Variants in EPHA6 observed in about 807,000 individuals in gnomAD.
The protein encoded by EPHA6 is ephrin type-A receptor 6.
In EPHA6, 50 loss-of-function variants were observed where a neutral mutation model predicts 112.0. The observed-to-expected ratio is 0.45, with a 90% CI of 0.36 to 0.56. The LOEUF (loss-of-function observed/expected upper bound fraction) is 0.56, where lower values mean the gene tolerates loss of function less well. Ranked by LOEUF, EPHA6 falls within the 20% of genes least tolerant of loss-of-function variation. EPHA6 has a pLI of 0.00. For missense variants in EPHA6, 1,280 were observed against 1,417.4 expected (o/e 0.90, Z 1.56); for synonymous variants, 529 against 490.7 (o/e 1.08, Z -1.03).
intron 5 of EPHA6, among the ~76,000 whole-genome samples, chr3:97,299,414 C>A (rs1163489539): frequency 1.3e-5 from 2 of 152,118 alleles, no homozygotes; most frequent in Non-Finnish European, 2.9e-5. Flanking sequence ...GATTAAAGAG[C>A]ATCGCTTTGC....
At chr3:97,536,233 A>G (rs917252239) in intron 11 of EPHA6, among the ~76,000 whole-genome samples, 2 of 152,148 alleles carry the variant, frequency 1.3e-5, no homozygotes, top group East Asian at 3.9e-4. Context: ...CCAACAGAGA[A>G]AGAGCTACGG....
intron 5 of EPHA6, among the ~76,000 whole-genome samples, chr3:97,325,099 G>A (rs914952214): frequency 2.0e-5 from 3 of 151,960 alleles, no homozygotes; most frequent in Admixed American, 6.6e-5. Flanking sequence ...CTCAAGCAGA[G>A]ATCTCACTTA....
At chr3:97,547,777 TC>T (rs752571629) in intron 11 of EPHA6, among the ~76,000 whole-genome samples, 1 of 152,216 alleles carries the variant, frequency 6.6e-6, no homozygotes, top group East Asian at 1.9e-4. Flanking sequence ...GTGGCGCCCC[TC>T]CCCCAGCCTC....
At chr3:97,261,361 C>T (rs2079496995) in intron 5 of EPHA6, among the ~76,000 whole-genome samples, 1 of 152,128 alleles carries the variant, frequency 6.6e-6, no homozygotes, top group African/African-American at 2.4e-5. Flanking sequence ...CATATCTCTA[C>T]CACTGTTGAG....
At position 97,758,866 on chromosome 3, in the gene EPHA6, A is replaced by G. The variant is rs1261785605; in HGVS notation, c.*10165A>G. ...AATTTGGAGTGTTGGAGAGTAGAGA[A>G]CAGTGTTCTTGGTACACTGAAATGA... On this transcript the variant is annotated 3_prime_UTR_variant, in exon 18 of 18. Transcript: ENST00000389672. 6.6e-6 allele frequency among the ~76,000 whole-genome samples: 1 copy of G among 151,934 alleles called. No homozygotes were observed. Among genetic ancestry groups the G allele is most frequent in the Admixed American group, 6.6e-5 (1 of 15,250 alleles).
chr3:97,106,897 CTT>C (rs2047586906), intron 3 of EPHA6, among the ~76,000 whole-genome samples: 2 of 152,098 alleles, frequency 1.3e-5, no homozygotes, highest in African/African-American at 4.8e-5. Flanking sequence ...ATTTCAATAA[CTT>C]ATCAAGTGTA....
intron 3 of EPHA6, among the ~76,000 whole-genome samples, chr3:97,132,307 G>A (rs558569194): frequency 5.9e-5 from 9 of 152,134 alleles, no homozygotes; most frequent in South Asian, 4.1e-4. Context: ...CAAGAGAGGC[G>A]CTCAGGGTTG....
chr3:97,417,786 T>A (rs1280782628), intron 6 of EPHA6, among the ~76,000 whole-genome samples: 1 of 152,186 alleles, frequency 6.6e-6, no homozygotes, highest in Non-Finnish European at 1.5e-5. Context: ...GCTAAGGTAC[T>A]GAAGGAAAAC....
chr3:97,641,591 T>C (rs2107574123), intron 14 of EPHA6, among the ~76,000 whole-genome samples: 1 of 152,332 alleles, frequency 6.6e-6, no homozygotes, highest in Non-Finnish European at 1.5e-5. Context: ...CAGCGCACCA[T>C]GCGCGAGCCG....
intron 10 of EPHA6, among the ~76,000 whole-genome samples, chr3:97,526,755 G>T (rs374915355): frequency 6.6e-6 from 1 of 152,168 alleles, no homozygotes; most frequent in African/African-American, 2.4e-5. Context: ...TAGTCACCCT[G>T]TGCCATTGGG....
At chr3:96,896,055 A>G (rs961309606) in intron 2 of EPHA6, among the ~76,000 whole-genome samples, 13 of 152,214 alleles carry the variant, frequency 8.5e-5, no homozygotes, top group African/African-American at 2.4e-4. Context: ...GAAATCACCT[A>G]TCAATGCATT....
Position 96,882,730 on chromosome 3 carries a change from CTGTG to C in EPHA6, c.450+15877_450+15880del, listed in dbSNP as rs1207060710. 6.9e-3 allele frequency among the ~76,000 whole-genome samples: 886 copies of C among 129,250 alleles called. 4 individuals are homozygous for C. Among genetic ancestry groups the C allele is most frequent in the Admixed American group, 7.8e-3 (91 of 11,714 alleles). The allele number at this position is 129,250 out of a possible 152,430, so 84.8% of individuals were successfully genotyped here. On this transcript the variant is annotated intron_variant, in intron 2 of 17. Transcript: ENST00000389672. The stretch of plus-strand genomic sequence containing the variant: ...GGATTCGTAGTATTCCATTGTGTGT[CTGTG>C]TGTGTGTGTGTGTGTGTGTGTGTGT...
At chr3:97,436,650 A>G (rs954448532) in intron 6 of EPHA6, among the ~76,000 whole-genome samples, 2 of 152,180 alleles carry the variant, frequency 1.3e-5, no homozygotes, top group South Asian at 2.1e-4. Context: ...CAGTGAAGAC[A>G]TTCTTGCAAA....
chr3:97,483,832 G>C (rs1039100409), intron 9 of EPHA6, 102 bp from the exon 10 acceptor site: 1 of 1,194,810 alleles, frequency 8.4e-7, no homozygotes, highest in African/African-American at 1.6e-5. Context: ...TCATTATCAA[G>C]ACTGACTACT....
At chr3:97,027,326 A>C (rs969591048) in intron 3 of EPHA6, among the ~76,000 whole-genome samples, 1 of 152,160 alleles carries the variant, frequency 6.6e-6, no homozygotes, top group Non-Finnish European at 1.5e-5. Context: ...ATCAGGAATC[A>C]CAAGTAATGA....
At chr3:97,729,828 T>A (rs1348001520) in intron 15 of EPHA6, among the ~76,000 whole-genome samples, 1 of 152,056 alleles carries the variant, frequency 6.6e-6, no homozygotes, top group African/African-American at 2.4e-5. Context: ...AAATAATCGT[T>A]ACCACAAAAA....
intron 5 of EPHA6, among the ~76,000 whole-genome samples, chr3:97,358,027 T>C (rs1431331857): frequency 6.6e-6 from 1 of 152,110 alleles, no homozygotes; most frequent in Non-Finnish European, 1.5e-5. Context: ...CAGAAACATT[T>C]TGTGTAACTT....
chr3:97,527,251 T>C (rs1026775052), intron 10 of EPHA6, among the ~76,000 whole-genome samples: 5 of 152,124 alleles, frequency 3.3e-5, no homozygotes, highest in Non-Finnish European at 7.4e-5. Flanking sequence ...GGGTTATTTA[T>C]GGGTCTGAAG....
chr3:96,893,074 T>C (rs765344443), intron 2 of EPHA6, among the ~76,000 whole-genome samples: 28 of 151,838 alleles, frequency 1.8e-4, no homozygotes, highest in Non-Finnish European at 2.9e-4. Flanking sequence ...AGCTGAAAAA[T>C]TCCTCTTGCC....
Sources: allele counts gnomAD v4.1 joint callset (sites outside exome capture counted in the v4.1 genomes callset), GRCh38; gene constraint gnomAD v4.1.1; transcripts MANE v1.5; gene names NCBI Gene and HGNC (gene_info 2026-07-23, HGNC 2026-07-21).